The following IQSEC1 variants were observed in gnomAD, a reference collection of about 807,000 sequenced individuals.
IQSEC1 encodes the protein IQ motif and SEC7 domain-containing protein 1.
Under a neutral mutation model 91.0 loss-of-function variants are expected in IQSEC1, and 31 were observed. The observed-to-expected ratio is 0.34, with a 90% CI of 0.26 to 0.46. The LOEUF is 0.46. IQSEC1 is among the 20% of genes least tolerant of loss of function. IQSEC1 has a pLI of 1.00. For missense variants in IQSEC1, 1,388 were observed against 1,575.6 expected (o/e 0.88, Z 2.02); for synonymous variants, 699 against 662.6 (o/e 1.05, Z -0.84).
chr3:13,165,578 G>GTGTGTGTGTGTGTGTGTGTGTCTGTC (rs1377649445), intron 1 of IQSEC1, among the ~76,000 whole-genome samples: 9 of 105,692 alleles, frequency 8.5e-5, no homozygotes, highest in Non-Finnish European at 1.1e-4. Context: ...GTGTGTGTGT[G>GTGTGTGTGTGTGTGTGTGTGTCTGTC]TGTCTGTCTG....
intron 1 of IQSEC1, among the ~76,000 whole-genome samples, chr3:12,996,393 A>G (rs1045251577): frequency 3.9e-5 from 6 of 152,228 alleles, no homozygotes; most frequent in Admixed American, 3.9e-4. Flanking sequence ...ACTCATCCTT[A>G]AAATGGAACT....
rs1695208924 is a variant in IQSEC1 at position 12,908,338 on chromosome 3, C to T, written c.2755+11G>A. 6.2e-7 allele frequency: 1 copy of T among 1,610,930 alleles called. No homozygotes were observed. Among genetic ancestry groups the T allele is most frequent in the Non-Finnish European group, 8.5e-7 (1 of 1,179,774 alleles). ...CTGGGCTAGCAAGGTGGTTCTAGGC[C>T]AAGCTCTTACCGGCTTCCGAGAGGT... is the stretch of plus-strand genomic sequence containing the variant. On this transcript the variant is annotated intron_variant, in intron 12 of 13. Transcript: ENST00000613206. This position sits in a 1 kb window ranked among gnomAD's most constrained non-coding sequence, Gnocchi z 4.9.
At chr3:13,174,553 A>G (rs1437453579) in intron 1 of IQSEC1, among the ~76,000 whole-genome samples, 4 of 151,738 alleles carry the variant, frequency 2.6e-5, no homozygotes, top group African/African-American at 9.7e-5. Flanking sequence ...TATCTTCCAC[A>G]CCCTGCTGTC....
At chr3:13,125,876 A>G (rs1207948773) in intron 2 of IQSEC1, among the ~76,000 whole-genome samples, 1 of 152,184 alleles carries the variant, frequency 6.6e-6, no homozygotes. Context: ...CGGTCCTGCT[A>G]AAAGGGACCT....
intron 2 of IQSEC1, among the ~76,000 whole-genome samples, chr3:13,085,094 C>G (rs1705713453): frequency 1.3e-5 from 2 of 152,154 alleles, no homozygotes; most frequent in African/African-American, 4.8e-5. Context: ...AGAGTGCTAG[C>G]ATTTATCGAA....
rs1693739761 is a variant in IQSEC1, at chr3:12,897,282, A to T, written c.*3701T>A. 1 of 151,842 alleles carries T rather than the reference A, an allele frequency of 6.6e-6. No homozygotes were observed. The allele number at this position is 151,842 out of a possible 1,614,324, so 9.4% of individuals were successfully genotyped here. A position where few individuals can be genotyped will look rare whatever the true frequency, so the allele number is the denominator to read the frequency against. ...CACAACCATGGTTTTACATTGATAG[A>T]GTCTGTTGCCACTGACAAACAGAAT... On this transcript the variant is annotated 3_prime_UTR_variant, in exon 14 of 14. Coordinates refer to ENST00000613206, the MANE Select transcript of IQSEC1 (RefSeq NM_001134382.3).
In IQSEC1 at chr3:12,922,310, G is replaced by C. The variant is rs563810486; in HGVS notation, c.1731-68C>G. 156 of 1,454,096 alleles carry C rather than the reference G, an allele frequency of 1.1e-4. No homozygotes were observed. The African/African-American group carries it at 2.2e-3, about 20-fold the overall frequency. 90.1% of individuals were successfully genotyped at this position (1,454,096 alleles called of 1,614,324 possible). A position where few individuals can be genotyped will look rare whatever the true frequency, so the allele number is the denominator to read the frequency against. ...GTGCGACACGCCCAGCCCACCCCCAGGTGGTGGTGCCTGAAGCCCTGGGAA... is the reference window on the plus strand; with the variant it reads ...GTGCGACACGCCCAGCCCACCCCCACGTGGTGGTGCCTGAAGCCCTGGGAA... On this transcript the variant is annotated intron_variant, in intron 4 of 13. Transcript: ENST00000613206. The surrounding 1 kb of genome is among the most constrained non-coding windows in gnomAD (Gnocchi z 5.1).
chr3:12,935,866 G>A lies in IQSEC1; in HGVS notation c.1150C>T (p.Arg384Trp), dbSNP rs199881804. Residue 384 changes from arginine (R) to tryptophan (W), a missense_variant, in exon 3 of 14, where the codon CGG becomes TGG. Physicochemically the swap from Arg to Trp is moderately radical, Grantham distance 101. Transcript: ENST00000613206. The surrounding 1 kb of genome is among the most constrained non-coding windows in gnomAD (Gnocchi z 8.0). ...SSVDLSDRSERGSLKRQSAYE... is the reference protein window; with the variant it reads ...SSVDLSDRSEWGSLKRQSAYE... ...GCACTCTGCCTCTTGAGTGACCCCC[G>A]CTCCGAGCGGTCACTAAGGTCCACA... The A allele has an allele frequency of 4.0e-5, 65 of 1,606,876 alleles. No individual in the cohort carries two copies. Among genetic ancestry groups the A allele is most frequent in the Non-Finnish European group, 5.1e-5 (60 of 1,179,874 alleles).
chr3:12,989,451 G>C (rs975629380), intron 1 of IQSEC1, among the ~76,000 whole-genome samples: 22 of 152,168 alleles, frequency 1.4e-4, no homozygotes, highest in Non-Finnish European at 3.1e-4. Context: ...TTAGGAGGTG[G>C]GTACCATCAT....
At chr3:13,204,969 C>T (rs577462468) in intron 1 of IQSEC1, among the ~76,000 whole-genome samples, 1 of 151,786 alleles carries the variant, frequency 6.6e-6, no homozygotes, top group East Asian at 1.9e-4. Flanking sequence ...CCGGGCTTTT[C>T]GTATTTTTAG....
intron 2 of IQSEC1, among the ~76,000 whole-genome samples, chr3:13,134,754 C>T (rs1175310106): frequency 1.3e-5 from 2 of 152,110 alleles, no homozygotes; most frequent in Admixed American, 1.3e-4. Flanking sequence ...AGGGCGTTCT[C>T]AGGGCTGCTA....
Position 12,994,861 on chromosome 3 carries a change from G to A in IQSEC1, c.24-52996C>T, listed in dbSNP as rs1702162172. On this transcript the variant is annotated intron_variant, in intron 1 of 13. Transcript: ENST00000613206. The surrounding 1 kb of genome is among the most constrained non-coding windows in gnomAD (Gnocchi z 4.5). Reference sequence around the variant, plus strand: ...TGGCCTGGCGACTGTTACAGAGAATGGGGTGGGCACAATCGGAAGGGAGCC... The same window carrying A: ...TGGCCTGGCGACTGTTACAGAGAATAGGGTGGGCACAATCGGAAGGGAGCC... Among the ~76,000 whole-genome samples, 1 of 152,264 alleles carries A rather than the reference G, an allele frequency of 6.6e-6. No homozygotes were observed. The highest frequency in any genetic ancestry group is 2.4e-5 in the African/African-American group (1 of 41,476).
chr3:13,155,019 G>A lies in IQSEC1; in HGVS notation c.302+9085C>T, dbSNP rs886848037. On this transcript the variant is annotated intron_variant, in intron 2 of 15. Transcript: ENST00000648114. ...AAGGAGGAAATTTATAGCTTGATACGTTAAATAAAAAGGAAGATCTTAAAT... is the reference window on the plus strand; with the variant it reads ...AAGGAGGAAATTTATAGCTTGATACATTAAATAAAAAGGAAGATCTTAAAT... Among the ~76,000 whole-genome samples, 19 of 152,094 alleles carry A rather than the reference G, an allele frequency of 1.2e-4. 1 individual carries two copies. The highest frequency in any genetic ancestry group is 2.2e-4 in the African/African-American group (9 of 41,406).
chr3:13,273,379 G>A (rs1695620434), intron 1 of IQSEC1, among the ~76,000 whole-genome samples: 1 of 152,202 alleles, frequency 6.6e-6, no homozygotes, highest in Non-Finnish European at 1.5e-5. Flanking sequence ...GCCAGAGGCA[G>A]AGTCCAGGGG....
At chr3:13,027,542 C>G (rs1559728678) in intron 1 of IQSEC1, among the ~76,000 whole-genome samples, 1 of 152,082 alleles carries the variant, frequency 6.6e-6, no homozygotes. Flanking sequence ...AAGGTGAGGA[C>G]AAGAGGTTGG....
chr3:13,063,601 T>C (rs571945460), intron 1 of IQSEC1, among the ~76,000 whole-genome samples: 3 of 152,246 alleles, frequency 2.0e-5, no homozygotes, highest in South Asian at 2.1e-4. Context: ...CTGGGAGGCA[T>C]TGGGGGACAA....
intron 1 of IQSEC1, among the ~76,000 whole-genome samples, chr3:13,049,468 C>G (rs1330011236): frequency 6.6e-6 from 1 of 152,186 alleles, no homozygotes; most frequent in African/African-American, 2.4e-5. Context: ...TTCATCCGAC[C>G]CTTGCATTAA....
chr3:12,948,443 T>C (rs1289899981), intron 1 of IQSEC1, among the ~76,000 whole-genome samples: 1 of 152,148 alleles, frequency 6.6e-6, no homozygotes, highest in Non-Finnish European at 1.5e-5. Context: ...GCCTGTTCCC[T>C]GGACTGGGGA....
chr3:13,101,588 G>A (rs1238811320), intron 2 of IQSEC1, among the ~76,000 whole-genome samples: 6 of 152,032 alleles, frequency 3.9e-5, no homozygotes, highest in African/African-American at 7.3e-5. Flanking sequence ...GGGAGCTCCC[G>A]GTTTCCACGA....
Sources: gnomAD v4.1 joint callset for allele counts (sites outside exome capture counted in the v4.1 genomes callset) on GRCh38, gnomAD v4.1.1 for gene constraint, Gnocchi (gnomAD v3.1) non-coding constraint, MANE v1.5 for transcripts, NCBI Gene and HGNC (gene_info 2026-07-23, HGNC 2026-07-21) for gene names.